NEO1: variants seen among roughly 807,000 people sequenced by gnomAD.
NEO1 encodes neogenin 1.
In NEO1, 63 loss-of-function variants were observed where a neutral mutation model predicts 159.7. The observed-to-expected ratio is 0.39, with a 90% confidence interval of 0.32 to 0.49. The LOEUF is 0.49. NEO1 is among the 20% of genes least tolerant of loss of function. The pLI is 0.85. For missense variants in NEO1, 1,615 were observed against 1,831.0 expected, an observed-to-expected ratio of 0.88 and a Z score of 2.15; for synonymous variants, 633 against 662.0, an observed-to-expected ratio of 0.96 and a Z score of 0.67.
intron 5 of NEO1, among the ~76,000 whole-genome samples, chr15:73,172,394 C>T (rs546690476): frequency 4.6e-5 from 7 of 152,148 alleles, no homozygotes; most frequent in South Asian, 4.2e-4. Context: ...AAGTGGAAAG[C>T]GCTTATGAAT....
In NEO1 at chr15:73,126,554, GCACTTGACA is replaced by G; in HGVS notation, c.865_873del (p.Leu289_Thr291del). 1 of 1,613,212 alleles carries G rather than the reference GCACTTGACA, an allele frequency of 6.2e-7. No homozygotes were observed. Among genetic ancestry groups the G allele is most frequent in the Non-Finnish European group, 8.5e-7 (1 of 1,179,690 alleles). On this transcript the variant is annotated inframe_deletion, in exon 4 of 29. Transcript: ENST00000261908. ...CATTAAATGGATGAAAAATGAGGAG[GCACTTGACA>G]CAGAAAGGTAAGTGTTGTCTGCCTA...
chr15:73,196,363 C>T (rs1195349366), intron 7 of NEO1, among the ~76,000 whole-genome samples: 1 of 152,214 alleles, frequency 6.6e-6, no homozygotes, highest in Non-Finnish European at 1.5e-5. Context: ...CAGCAGTTCA[C>T]TGCAAGGGCT....
chr15:73,219,161 T>C (rs2038079550), intron 7 of NEO1, among the ~76,000 whole-genome samples: 1 of 152,078 alleles, frequency 6.6e-6, no homozygotes, highest in African/African-American at 2.4e-5. Flanking sequence ...TCTTTATTTC[T>C]GCCTTCATTT....
chr15:73,174,114 A>T (rs897351028), intron 5 of NEO1, among the ~76,000 whole-genome samples: 2 of 152,028 alleles, frequency 1.3e-5, no homozygotes, highest in Non-Finnish European at 2.9e-5. Context: ...AAAAAAAAGA[A>T]TTATTAACTA....
chr15:73,225,646 C>T (rs993876331), intron 7 of NEO1, among the ~76,000 whole-genome samples: 1 of 152,118 alleles, frequency 6.6e-6, no homozygotes, highest in African/African-American at 2.4e-5. Context: ...CTCACTGTGC[C>T]CCATCTAACA....
intron 5 of NEO1, among the ~76,000 whole-genome samples, chr15:73,174,199 T>C (rs910473034): frequency 3.3e-5 from 5 of 152,140 alleles, no homozygotes; most frequent in Non-Finnish European, 2.9e-5. Context: ...GGATTAGCTA[T>C]GACTACCTCT....
At chr15:73,218,865 A>G (rs1003975656) in intron 7 of NEO1, among the ~76,000 whole-genome samples, 2 of 152,214 alleles carry the variant, frequency 1.3e-5, no homozygotes, top group Non-Finnish European at 1.5e-5. Flanking sequence ...GATCCTTTCA[A>G]AAAACCAGCT....
At position 73,297,238 on chromosome 15, in the gene NEO1, C is replaced by T. The variant is rs539474536; in HGVS notation, c.3902-1110C>T. ...TGGTCCAGAGCATGTGTGTGGAAGT[C>T]GGAAGGCAGGGATTCAGATTCCACC... On this transcript the variant is annotated intron_variant, in intron 26 of 28. Coordinates refer to ENST00000261908, the MANE Select transcript of NEO1 (RefSeq NM_002499.4). Among the ~76,000 whole-genome samples the T allele has an allele frequency of 1.2e-3, 184 of 152,236 alleles. 1 individual carries two copies. Among genetic ancestry groups the T allele is most frequent in the African/African-American group, 4.1e-3 (171 of 41,536 alleles).
intron 5 of NEO1, among the ~76,000 whole-genome samples, chr15:73,168,886 G>GTT (rs1319470525): frequency 3.4e-5 from 5 of 146,054 alleles, no homozygotes; most frequent in Non-Finnish European, 7.6e-5. Context: ...TATTTGTTGG[G>GTT]TTTTTTTTTT....
At chr15:73,231,086 TA>T (rs2038882147) in intron 7 of NEO1, among the ~76,000 whole-genome samples, 1 of 152,168 alleles carries the variant, frequency 6.6e-6, no homozygotes, top group South Asian at 2.1e-4. Flanking sequence ...AAAGAAGAAA[TA>T]ACATAATTCA....
At chr15:73,271,958 ATG>A (rs1414080773) in intron 18 of NEO1, among the ~76,000 whole-genome samples, 4 of 152,042 alleles carry the variant, frequency 2.6e-5, no homozygotes, top group African/African-American at 9.7e-5. Context: ...CCAACTATAA[ATG>A]AGAGAGAAAA....
intron 2 of NEO1, among the ~76,000 whole-genome samples, chr15:73,122,098 CAT>C (rs2071697466): frequency 8.8e-6 from 1 of 113,632 alleles, no homozygotes; most frequent in Non-Finnish European, 1.8e-5. Context: ...TATATATACA[CAT>C]TATATATATT....
chr15:73,290,308 T>G (rs193236635), intron 25 of NEO1, among the ~76,000 whole-genome samples: 52 of 134,400 alleles, frequency 3.9e-4, no homozygotes, highest in Middle Eastern at 8.6e-3. Flanking sequence ...TGTCACGATC[T>G]CAGCTCACTG....
At position 73,110,735 on chromosome 15, in the gene NEO1, A is replaced by G. The variant is rs745783494; in HGVS notation, c.131-5805A>G. On this transcript the variant is annotated intron_variant, in intron 1 of 28. Transcript: ENST00000261908. ...GATATTAGATAGGATCATTAAACCT[A>G]TTTCAAAATGGAATCCAGTGACTCT... 6.6e-5 allele frequency among the ~76,000 whole-genome samples: 10 copies of G among 152,192 alleles called. No individual in the cohort carries two copies. In the South Asian group the frequency reaches 1.0e-3, roughly 16 times the overall value.
chr15:73,275,945 A>G (rs773516924), intron 21 of NEO1, among the ~76,000 whole-genome samples: 11 of 152,230 alleles, frequency 7.2e-5, no homozygotes, highest in Non-Finnish European at 1.3e-4. Flanking sequence ...ATGGCAAGGA[A>G]GAGTCAGAAC....
In NEO1 at chr15:73,266,513, T is replaced by C. The variant is rs2040907228; in HGVS notation, c.2494+102T>C. On this transcript the variant is annotated intron_variant, in intron 16 of 28. Transcript: ENST00000261908. Reference sequence around the variant, plus strand: ...CATAGGTGTTAGGGAAGAAAAAGCATATGGCAGTTTCGGGTGCTGACTTCA... The same window carrying C: ...CATAGGTGTTAGGGAAGAAAAAGCACATGGCAGTTTCGGGTGCTGACTTCA... 5 of 776,156 alleles carry C rather than the reference T, an allele frequency of 6.4e-6. No homozygotes were observed. In the East Asian group the frequency reaches 1.4e-4, roughly 22 times the overall value. 48.1% of individuals were successfully genotyped at this position (776,156 alleles called of 1,614,324 possible).
At chr15:73,196,937 A>G (rs1051622392) in intron 7 of NEO1, among the ~76,000 whole-genome samples, 6 of 152,188 alleles carry the variant, frequency 3.9e-5, no homozygotes, top group African/African-American at 1.2e-4. Flanking sequence ...TGACAGTTCT[A>G]TGGGTGTTAA....
At chr15:73,285,020 A>G (rs755339928) in intron 23 of NEO1, among the ~76,000 whole-genome samples, 1 of 152,050 alleles carries the variant, frequency 6.6e-6, no homozygotes, top group Non-Finnish European at 1.5e-5. Flanking sequence ...ACTTGATTTT[A>G]TATCAGTTTT....
intron 5 of NEO1, among the ~76,000 whole-genome samples, chr15:73,159,773 T>G (rs2034038669): frequency 6.6e-6 from 1 of 152,238 alleles, no homozygotes; most frequent in Admixed American, 6.5e-5. Context: ...TGAGTGTTTC[T>G]GATAGATGAA....
Sources: allele counts gnomAD v4.1 joint callset (sites outside exome capture counted in the v4.1 genomes callset), GRCh38; gene constraint gnomAD v4.1.1; transcripts MANE v1.5; gene names NCBI Gene and HGNC (gene_info 2026-07-23, HGNC 2026-07-21).